The following PCDHA1 variants were observed in gnomAD, a reference collection of about 807,000 sequenced individuals.
PCDHA1 encodes the protein protocadherin alpha 1, also known as protocadherin alpha-1.
A neutral mutation model predicts 61.3 loss-of-function variants in PCDHA1; 42 were observed. The observed-to-expected ratio is 0.69, with a 90% CI of 0.54 to 0.89. The LOEUF is 0.89. PCDHA1 is among the 40% of genes least tolerant of loss of function. The probability of loss-of-function intolerance (pLI) is 0.00; values close to 1 mark genes in which losing one functional copy is unlikely to be tolerated. For missense variants in PCDHA1, 1,256 were observed against 1,235.3 expected (o/e 1.02, Z -0.25); for synonymous variants, 610 against 553.8 (o/e 1.10, Z -1.43).
At chr5:140,827,617 C>T (rs2150148430) in intron 1 of PCDHA1, among the ~76,000 whole-genome samples, 1 of 152,176 alleles carries the variant, frequency 6.6e-6, no homozygotes, top group Non-Finnish European at 1.5e-5. Flanking sequence ...TTCTTTTCTA[C>T]CAAGAGTGTA....
At chr5:140,828,479 C>T in intron 1 of PCDHA1, 1 of 1,614,204 alleles carries the variant, frequency 6.2e-7, no homozygotes, top group Non-Finnish European at 8.5e-7. Context: ...TAACGACAAC[C>T]CGCCCTTGTT....
intron 1 of PCDHA1, among the ~76,000 whole-genome samples, chr5:140,902,264 C>G (rs1187258512): frequency 6.8e-6 from 1 of 147,240 alleles, no homozygotes; most frequent in Admixed American, 6.9e-5. Context: ...TCTCGAACTC[C>G]TGGGCTCAAG....
intron 1 of PCDHA1, among the ~76,000 whole-genome samples, chr5:140,941,848 G>A (rs2093183003): frequency 6.6e-6 from 1 of 152,142 alleles, no homozygotes; most frequent in South Asian, 2.1e-4. Flanking sequence ...GCCATTACCT[G>A]ATATTCCCTA....
At chr5:140,816,463 T>G (rs1765911201) in intron 1 of PCDHA1, 1 of 152,278 alleles carries the variant, frequency 6.6e-6, no homozygotes, top group Middle Eastern at 3.4e-3. Flanking sequence ...TGTCAAGTAA[T>G]TCACATAGCT....
intron 1 of PCDHA1, among the ~76,000 whole-genome samples, chr5:140,949,848 C>T (rs534650997): frequency 2.2e-4 from 34 of 151,738 alleles, no homozygotes; most frequent in African/African-American, 6.0e-4. Flanking sequence ...CTTCTGTTTC[C>T]GCTTATCTGT....
At chr5:140,883,483 C>T (rs1554178423) in intron 1 of PCDHA1, 2 of 1,614,078 alleles carry the variant, frequency 1.2e-6, no homozygotes, top group African/African-American at 2.7e-5. Flanking sequence ...AGAACTACTA[C>T]TCATTAGTGC....
intron 1 of PCDHA1, among the ~76,000 whole-genome samples, chr5:140,793,763 T>C (rs1034990559): frequency 3.9e-5 from 6 of 152,100 alleles, no homozygotes; most frequent in Non-Finnish European, 7.4e-5. Context: ...TCTCAAGTAA[T>C]TAACACAAAA....
At chr5:140,965,607 T>C (rs2095916367) in intron 1 of PCDHA1, among the ~76,000 whole-genome samples, 1 of 152,088 alleles carries the variant, frequency 6.6e-6, no homozygotes, top group Non-Finnish European at 1.5e-5. Flanking sequence ...CTTGAAGACA[T>C]TGTCATCCAT....
intron 1 of PCDHA1, among the ~76,000 whole-genome samples, chr5:140,881,694 G>C (rs1375930995): frequency 6.6e-6 from 1 of 152,126 alleles, no homozygotes; most frequent in Non-Finnish European, 1.5e-5. Flanking sequence ...TCCTTTTGGA[G>C]TCAATGGCTG....
intron 1 of PCDHA1, among the ~76,000 whole-genome samples, chr5:140,895,931 C>A (rs1365477787): frequency 5.3e-5 from 8 of 152,210 alleles, no homozygotes; most frequent in African/African-American, 1.9e-4. Flanking sequence ...CTGCCTCAGC[C>A]TCCCGAGTAG....
intron 1 of PCDHA1, chr5:140,850,802 C>T: frequency 6.3e-7 from 1 of 1,598,420 alleles, no homozygotes; most frequent in Non-Finnish European, 8.6e-7. Flanking sequence ...AGACCGACCT[C>T]ATGGCCTTCA....
intron 1 of PCDHA1, among the ~76,000 whole-genome samples, chr5:140,846,375 T>TG (rs1272448180): frequency 8.0e-6 from 1 of 125,456 alleles, no homozygotes; most frequent in African/African-American, 3.3e-5. Flanking sequence ...CTTTCTTTCT[T>TG]TTTTTTTTTT....
In PCDHA1 at chr5:140,928,891, T is replaced by A. The variant is rs1299939193; in HGVS notation, c.2395-50058T>A. On this transcript the variant is annotated intron_variant, in intron 1 of 3. Coordinates refer to ENST00000504120, the MANE Select transcript of PCDHA1 (RefSeq NM_018900.4). ...CTCTGTCCCTCAGTTACTTCCAGAC[T>A]TTGAAGATGTCTGGGAACCAGGAGG... 1.2e-6 allele frequency: 2 copies of A among 1,614,066 alleles called. No individual in the cohort carries two copies. The highest frequency in any genetic ancestry group is 2.7e-5 in the African/African-American group (2 of 74,942).
chr5:140,856,690 T>A (rs1368181199), intron 1 of PCDHA1: 2 of 1,597,086 alleles, frequency 1.3e-6, no homozygotes, highest in East Asian at 2.2e-5. Context: ...TGACAGCAAC[T>A]GATGGAGGCA....
chr5:140,801,842 T>A (rs1250618289), intron 1 of PCDHA1: 44 of 1,614,054 alleles, frequency 2.7e-5, no homozygotes, highest in Non-Finnish European at 3.7e-5. Context: ...TAACAGCAAT[T>A]GATGGTGGGA....
At chr5:140,968,464 C>G (rs1554230763) in intron 1 of PCDHA1, 1 of 1,614,114 alleles carries the variant, frequency 6.2e-7, no homozygotes, top group Non-Finnish European at 8.5e-7. Flanking sequence ...TGACTGCCAA[C>G]GTATATGTGG....
chr5:140,855,882 T>C (rs1248405239), intron 1 of PCDHA1: 3 of 945,936 alleles, frequency 3.2e-6, no homozygotes, highest in Admixed American at 3.1e-5. Context: ...AATAGCTTTT[T>C]AGAACAAAGG....
At chr5:140,970,585 T>G (rs1554232585) in intron 1 of PCDHA1, among the ~76,000 whole-genome samples, 2 of 152,244 alleles carry the variant, frequency 1.3e-5, no homozygotes, top group Non-Finnish European at 2.9e-5. Context: ...ATAACAGAGA[T>G]ATGCTTTGTG....
At chr5:140,966,455 C>G (rs376758355) in intron 1 of PCDHA1, 20 of 426,928 alleles carry the variant, frequency 4.7e-5, no homozygotes, top group East Asian at 2.8e-4. Flanking sequence ...CCCCCTCCCC[C>G]TCTGTCTTCC....
Sources: gnomAD v4.1 joint callset for allele counts (sites outside exome capture counted in the v4.1 genomes callset) on GRCh38, gnomAD v4.1.1 for gene constraint, MANE v1.5 for transcripts, NCBI Gene and HGNC (gene_info 2026-07-23, HGNC 2026-07-21) for gene names.